MOK: variants seen among roughly 807,000 people sequenced by gnomAD.
The protein encoded by MOK is MOK protein kinase.
MOK carries 59 observed loss-of-function variants against 54.2 expected under a neutral mutation model. The observed-to-expected ratio is 1.09, with a 90% CI of 0.88 to 1.35. MOK has a LOEUF of 1.35. Ranked by LOEUF, MOK falls within the 40% of genes most tolerant of loss-of-function variation. The pLI is 0.00. For missense variants in MOK, 517 were observed against 526.2 expected, an observed-to-expected ratio of 0.98 and a Z score of 0.17; for synonymous variants, 210 against 202.7, an observed-to-expected ratio of 1.04 and a Z score of -0.31.
At position 102,229,358 on chromosome 14, in the gene MOK, C is replaced by T. The variant is rs545460566; in HGVS notation, c.1191G>A (p.Pro397=). 1.4e-5 allele frequency: 22 copies of T among 1,614,124 alleles called. No homozygotes were observed. The South Asian group carries it at 2.0e-4, about 15-fold the overall frequency. The change falls in exon 12 of 12, where the codon CCG becomes CCA. Residue 397 remains proline, a synonymous_variant. Transcript: ENST00000361847. ...GCGGGGCAGGCTTAAGGTCCTTCTG[C>T]GGATCTGTCTGTCAAAGAAAAATTA... ...KCIPASKKTD[P]QKDLKPAPQQ...
At chr14:102,274,988 AAG>A (rs1277071042) in intron 2 of MOK, among the ~76,000 whole-genome samples, 5 of 149,714 alleles carry the variant, frequency 3.3e-5, no homozygotes, top group South Asian at 4.2e-4. Context: ...AAAAAAAAAA[AAG>A]AAGAAGAAAG....
Position 102,229,059 on chromosome 14 carries a change from G to C in MOK, c.*230C>G. 2.0e-6 allele frequency: 1 copy of C among 498,870 alleles called. No homozygotes were observed. The highest frequency in any genetic ancestry group is 3.5e-6 in the Non-Finnish European group (1 of 286,542). 30.9% of individuals were successfully genotyped at this position (498,870 alleles called of 1,614,324 possible). A position where few individuals can be genotyped will look rare whatever the true frequency, so the allele number is the denominator to read the frequency against. On this transcript the variant is annotated 3_prime_UTR_variant, in exon 12 of 12. Coordinates refer to ENST00000361847, the MANE Select transcript of MOK (RefSeq NM_014226.3). Reference sequence around the variant, plus strand: ...CCCCAAATTCTTAACGAAAATGAAAGAAAACCCTAGAATGCGGTGGTTTTA... The same window carrying C: ...CCCCAAATTCTTAACGAAAATGAAACAAAACCCTAGAATGCGGTGGTTTTA...
downstream of MOK, chr14:102,223,126 TC>T (rs1230851245): frequency 1.8e-5 from 7 of 391,864 alleles, no homozygotes; most frequent in African/African-American, 1.3e-4. Flanking sequence ...AATGGAGTTT[TC>T]TTGCTTTTTA....
At chr14:102,271,616 G>A (rs1430051750) in intron 2 of MOK, among the ~76,000 whole-genome samples, 2 of 145,622 alleles carry the variant, frequency 1.4e-5, no homozygotes, top group South Asian at 2.2e-4. Flanking sequence ...TGGAGTGCAC[G>A]AGCGCAACCT....
chr14:102,287,920 C>A (rs8011796), intron 1 of MOK, among the ~76,000 whole-genome samples: 18,984 of 150,124 alleles, frequency 0.13, 1,667 homozygotes, highest in African/African-American at 0.25. Context: ...GCAAGCTCTC[C>A]GCTTCCCGGG....
intron 1 of MOK, among the ~76,000 whole-genome samples, chr14:102,294,445 CA>C (rs540805039): frequency 0.016 from 1,034 of 64,012 alleles, 9 homozygotes; most frequent in African/African-American, 0.043. Flanking sequence ...GACTCCGTCT[CA>C]AAAAAAAAAA....
In MOK at chr14:102,232,842, A is replaced by G. The variant is rs2064857754; in HGVS notation, c.693-134T>C. 1.4e-6 allele frequency: 1 copy of G among 708,478 alleles called. No individual in the cohort carries two copies. The highest frequency in any genetic ancestry group is 2.3e-6 in the Non-Finnish European group (1 of 438,964). The allele number at this position is 708,478 out of a possible 1,614,324, so 43.9% of individuals were successfully genotyped here. On this transcript the variant is annotated intron_variant, in intron 8 of 11. Transcript: ENST00000361847. The surrounding 1 kb of genome is among the most constrained non-coding windows in gnomAD (Gnocchi z 5.1). The stretch of plus-strand genomic sequence containing the variant: ...AGAGTCTACACCTGTCCCAGCCCAC[A>G]GAACGTGCACCACCAAGAGGGACCC...
rs1567123024 is a variant in MOK at position 102,229,284 on chromosome 14, C to T, written c.*5G>A. On this transcript the variant is annotated 3_prime_UTR_variant, in exon 12 of 12. Transcript: ENST00000361847. ...CTCCGAAGTCGAGACGACGGTGCTG[C>T]TCAGTTATCTTCCGCCTTTCCGCAC... 1 of 1,594,314 alleles carries T rather than the reference C, an allele frequency of 6.3e-7. No individual in the cohort carries two copies. Among genetic ancestry groups the T allele is most frequent in the South Asian group, 1.1e-5 (1 of 87,604 alleles).
chr14:102,225,078 T>G (rs2064189348), downstream of MOK: 3 of 318,122 alleles, frequency 9.4e-6, no homozygotes, highest in South Asian at 5.4e-5. Context: ...TATTTTCTGT[T>G]TAAGACAGAG....
chr14:102,286,081 C>T (rs1206411367), intron 1 of MOK, among the ~76,000 whole-genome samples: 3 of 141,612 alleles, frequency 2.1e-5, no homozygotes, highest in Admixed American at 7.2e-5. Flanking sequence ...GGGCGGATCA[C>T]GAGGTCAGAA....
chr14:102,250,260 C>G (rs551775433), intron 7 of MOK, among the ~76,000 whole-genome samples: 1 of 152,254 alleles, frequency 6.6e-6, no homozygotes, highest in South Asian at 2.1e-4. Context: ...AGCTCTCCAC[C>G]CCTGTGCGCG....
intron 7 of MOK, among the ~76,000 whole-genome samples, chr14:102,250,295 C>T (rs990223868): frequency 6.6e-6 from 1 of 152,096 alleles, no homozygotes; most frequent in African/African-American, 2.4e-5. Context: ...CCATTCACCT[C>T]GGAGTGGGAC....
chr14:102,215,450 G>A, the MOK span, among the ~76,000 whole-genome samples: 1 of 152,152 alleles, frequency 6.6e-6, no homozygotes. Context: ...CGGCTGGTAG[G>A]CTGCTTGCTT....
chr14:102,253,187 T>C (rs1190519592), intron 4 of MOK, among the ~76,000 whole-genome samples: 1 of 152,212 alleles, frequency 6.6e-6, no homozygotes, highest in Admixed American at 6.5e-5. Flanking sequence ...TCCTTTTTAG[T>C]GGAAATGTAG....
At chr14:102,287,074 G>C (rs982591951) in intron 1 of MOK, among the ~76,000 whole-genome samples, 4 of 152,106 alleles carry the variant, frequency 2.6e-5, no homozygotes, top group African/African-American at 4.8e-5. Context: ...GATTTTCACT[G>C]TTTTATTTCA....
chr14:102,217,491 G>A, the MOK span, among the ~76,000 whole-genome samples: 1 of 152,328 alleles, frequency 6.6e-6, no homozygotes, highest in East Asian at 1.9e-4. Context: ...ACTGTCACCT[G>A]TCAGTGGACA....
chr14:102,276,844 T>C (rs1206672851), intron 2 of MOK, among the ~76,000 whole-genome samples: 1 of 151,306 alleles, frequency 6.6e-6, no homozygotes, highest in Admixed American at 6.6e-5. Flanking sequence ...GTAGAATTTC[T>C]GTATTTCTTT....
chr14:102,271,360 G>A (rs7154552), intron 2 of MOK, among the ~76,000 whole-genome samples: 20,263 of 151,814 alleles, frequency 0.13, 1,884 homozygotes, highest in African/African-American at 0.27. Flanking sequence ...TTATCACTAC[G>A]AATGATGTTA....
intron 7 of MOK, among the ~76,000 whole-genome samples, chr14:102,244,001 C>CTA (rs1375359352): frequency 1.3e-5 from 2 of 152,240 alleles, no homozygotes; most frequent in African/African-American, 4.8e-5. Context: ...TATACTGACT[C>CTA]TAAACATGCC....
Sources: gnomAD v4.1 joint callset for allele counts (sites outside exome capture counted in the v4.1 genomes callset) on GRCh38, gnomAD v4.1.1 for gene constraint, Gnocchi (gnomAD v3.1) non-coding constraint, MANE v1.5 for transcripts, NCBI Gene and HGNC (gene_info 2026-07-23, HGNC 2026-07-21) for gene names.